FUBP1: variants seen among roughly 807,000 people sequenced by gnomAD.
FUBP1 encodes the protein far upstream element binding protein 1.
A neutral mutation model predicts 94.9 loss-of-function variants in FUBP1; 16 were observed. The observed-to-expected ratio is 0.17, with a 90% CI of 0.11 to 0.26. FUBP1 has a LOEUF of 0.26. FUBP1 is among the 10% of genes least tolerant of loss of function. The pLI, the probability that FUBP1 is intolerant of heterozygous loss-of-function variation, is 1.00. For missense variants in FUBP1, 583 were observed against 808.6 expected (o/e 0.72, Z 3.38); for synonymous variants, 279 against 254.9 (o/e 1.09, Z -0.90).
Position 77,963,979 on chromosome 1 carries a change from GAT to G in FUBP1, c.1041+81_1041+82del, listed in dbSNP as rs1656014670. On this transcript the variant is annotated intron_variant, in intron 12 of 19. Transcript: ENST00000370768. ...AATAAAGCATCATCAAGCAGACTCT[GAT>G]ATAGAGGTAACTTCAGATTTCATGA... 2.1e-5 allele frequency: 18 copies of G among 868,744 alleles called. No individual in the cohort carries two copies. In the Middle Eastern group the frequency reaches 6.6e-4, roughly 32 times the overall value. 53.8% of individuals were successfully genotyped at this position (868,744 alleles called of 1,614,324 possible). A position where few individuals can be genotyped will look rare whatever the true frequency, so the allele number is the denominator to read the frequency against.
chr1:77,966,750 G>A lies in FUBP1; in HGVS notation c.417C>T (p.Asp139=), dbSNP rs1281860538. The A allele has an allele frequency of 1.3e-6, 2 of 1,555,860 alleles. No individual in the cohort carries two copies. The highest frequency in any genetic ancestry group is 1.1e-5 in the South Asian group (1 of 89,742). Residue 139 remains aspartate, a splice_region_variant and synonymous_variant, in exon 7 of 20, where the codon GAC becomes GAT. Coordinates refer to ENST00000370768, the MANE Select transcript of FUBP1 (RefSeq NM_003902.5). ...ESGCKIQIAP[D]SGGLPERSCM... ...AGGACCTTTCTGGAAGGCCACCACT[G>A]TCTACAATTTAAAACAAACAGATAA...
chr1:77,955,618 G>A (rs965331734), intron 17 of FUBP1, among the ~76,000 whole-genome samples: 1 of 152,154 alleles, frequency 6.6e-6, no homozygotes, highest in South Asian at 2.1e-4. Flanking sequence ...GGTTTCTCAC[G>A]TTTGTAAACA....
At chr1:77,975,457 AAAC>A (rs1398579867) in intron 1 of FUBP1, among the ~76,000 whole-genome samples, 2 of 152,250 alleles carry the variant, frequency 1.3e-5, no homozygotes, top group African/African-American at 2.4e-5. Context: ...CATTTCATTC[AAAC>A]AACATTATGC....
intron 1 of FUBP1, among the ~76,000 whole-genome samples, chr1:77,972,116 A>C (rs1657673922): frequency 6.6e-6 from 1 of 152,040 alleles, no homozygotes; most frequent in African/African-American, 2.4e-5. Context: ...TGTCTAATTT[A>C]AATCTTATTT....
Position 77,970,018 on chromosome 1 carries a change from A to G in FUBP1, c.121-3T>C. 1 of 390,242 alleles carries G rather than the reference A, an allele frequency of 2.6e-6. No individual in the cohort carries two copies. Among genetic ancestry groups the G allele is most frequent in the Non-Finnish European group, 3.7e-6 (1 of 268,604 alleles). The allele number at this position is 390,242 out of a possible 1,614,324, so 24.2% of individuals were successfully genotyped here. On this transcript the variant is annotated splice_polypyrimidine_tract_variant and splice_region_variant and intron_variant, in intron 1 of 19. Transcript: ENST00000370768. The stretch of plus-strand genomic sequence containing the variant: ...TCACCTCCAATTTTTGCTGCAATCT[A>G]AAAAAAAAAAAGAAAAATACCATCA...
At chr1:77,950,866 G>A (rs1653326998) in intron 18 of FUBP1, among the ~76,000 whole-genome samples, 1 of 152,048 alleles carries the variant, frequency 6.6e-6, no homozygotes, top group Admixed American at 6.6e-5. Context: ...AAGCAACTGA[G>A]TGAAAGAATT....
chr1:77,965,591 T>C (rs1656319422), intron 7 of FUBP1, among the ~76,000 whole-genome samples: 1 of 152,236 alleles, frequency 6.6e-6, no homozygotes, highest in African/African-American at 2.4e-5. Context: ...TATGCTACAA[T>C]TATTCATTCA....
At chr1:77,969,055 T>C in intron 2 of FUBP1, 1 of 1,290,810 alleles carries the variant, frequency 7.7e-7, no homozygotes, top group Non-Finnish European at 1.0e-6. Context: ...TCCCAGTGTG[T>C]TGTACTGCTC....
intron 19 of FUBP1, 131 bp from the exon 20 acceptor site, chr1:77,948,905 T>G (rs750441827): frequency 1.6e-6 from 2 of 1,271,560 alleles, no homozygotes; most frequent in South Asian, 1.2e-5. Context: ...CTTGCATGAT[T>G]TGCAAATCCC....
At chr1:77,949,432 GACCAAAA>G in intron 18 of FUBP1, 132 bp from the exon 19 acceptor site, 1 of 630,304 alleles carries the variant, frequency 1.6e-6, no homozygotes. Context: ...TGCCCTTGTT[GACCAAAA>G]AAAAAAACCC....
At chr1:77,954,105 T>C (rs951903872) in intron 18 of FUBP1, among the ~76,000 whole-genome samples, 8 of 152,154 alleles carry the variant, frequency 5.3e-5, no homozygotes, top group African/African-American at 1.2e-4. Flanking sequence ...GGACTACAAG[T>C]GTGTGCCACC....
chr1:77,968,227 T>C (rs1056318335), intron 2 of FUBP1, 24 bp from the exon 3 acceptor site: 2 of 1,485,770 alleles, frequency 1.3e-6, no homozygotes, highest in East Asian at 2.5e-5. Context: ...TGTCTTTTAA[T>C]TTTTTGCCAA....
chr1:77,977,401 C>T (rs1658849656), intron 1 of FUBP1, among the ~76,000 whole-genome samples: 1 of 152,210 alleles, frequency 6.6e-6, no homozygotes, highest in Non-Finnish European at 1.5e-5. Flanking sequence ...TGGCGGGCGC[C>T]TGTAATCCCA....
At position 77,968,162 on chromosome 1, in the gene FUBP1, TAC is replaced by T. The variant is rs1477051807; in HGVS notation, c.250+1_250+2del. ...TTTGACCCAGTTTAAAAGGAATACT[TAC>T]AGTCATTTTGAGGAGCAACTTTCTT... On this transcript the variant is annotated splice_donor_variant, in intron 3 of 19. Coordinates refer to ENST00000370768, the MANE Select transcript of FUBP1 (RefSeq NM_003902.5). LOFTEE classifies it high-confidence loss of function. 2.0e-6 allele frequency: 3 copies of T among 1,515,790 alleles called. No homozygotes were observed. The highest frequency in any genetic ancestry group is 1.8e-6 in the Non-Finnish European group (2 of 1,130,126). The allele number at this position is 1,515,790 out of a possible 1,614,324, so 93.9% of individuals were successfully genotyped here.
At position 77,962,795 on chromosome 1, in the gene FUBP1, C is replaced by T. The variant is rs569795654; in HGVS notation, c.1319G>A (p.Arg440Gln). The T allele has an allele frequency of 2.5e-6, 4 of 1,611,048 alleles. No homozygotes were observed. The highest frequency in any genetic ancestry group is 1.3e-5 in the African/African-American group (1 of 74,934). ...RGTPQQIDYA[R>Q]QLIEEKIGGP... ...ACCAATCTTTTCTTCTATGAGTTGC[C>T]GAGCATAGTCTATCTGTTGTGGAGT... Residue 440 changes from arginine to glutamine, a missense_variant, in exon 14 of 20, where the codon CGG (arginine) becomes CAG (glutamine). Physicochemically the swap from Arg to Gln is conservative, Grantham distance 43. Coordinates refer to ENST00000370768, the MANE Select transcript of FUBP1 (RefSeq NM_003902.5).
At position 77,945,437 on chromosome 1, in the gene FUBP1, T is replaced by G. The variant is rs1374157302; in HGVS notation, c.*3329A>C. 4.7e-6 allele frequency: 1 copy of G among 212,510 alleles called. No homozygotes were observed. Among genetic ancestry groups the G allele is most frequent in the Non-Finnish European group, 9.5e-6 (1 of 105,042 alleles). The allele number at this position is 212,510 out of a possible 1,614,324, so 13.2% of individuals were successfully genotyped here. On this transcript the variant is annotated 3_prime_UTR_variant, in exon 20 of 20. Transcript: ENST00000370768. ...TGAAAAGTGATCAAAAGCAGGTACATTACACCCTATACCATATTATGTATG... is the reference window on the plus strand; with the variant it reads ...TGAAAAGTGATCAAAAGCAGGTACAGTACACCCTATACCATATTATGTATG...
At chr1:77,978,404 G>A (rs765671602) in intron 1 of FUBP1, among the ~76,000 whole-genome samples, 1 of 152,226 alleles carries the variant, frequency 6.6e-6, no homozygotes, top group Non-Finnish European at 1.5e-5. Context: ...GAGGTGTGAC[G>A]GTGAATGGTA....
intron 4 of FUBP1, 92 bp downstream of exon 4, chr1:77,967,535 A>G: frequency 1.1e-6 from 1 of 887,650 alleles, no homozygotes; most frequent in Non-Finnish European, 1.8e-6. Flanking sequence ...AAATACACAG[A>G]CACATATTCA....
chr1:77,972,804 G>GA (rs1051744681), intron 1 of FUBP1, among the ~76,000 whole-genome samples: 11 of 150,318 alleles, frequency 7.3e-5, no homozygotes, highest in African/African-American at 1.5e-4. Context: ...AAGAAAAAAT[G>GA]AAAGTTGACA....
Sources: gnomAD v4.1 joint callset for allele counts (sites outside exome capture counted in the v4.1 genomes callset) on GRCh38, gnomAD v4.1.1 for gene constraint, MANE v1.5 for transcripts, NCBI Gene and HGNC (gene_info 2026-07-23, HGNC 2026-07-21) for gene names.